Variants in UTRN observed in about 807,000 individuals in gnomAD.
The protein encoded by UTRN is dystrophin-related protein 1.
In UTRN, 283 loss-of-function variants were observed where a neutral mutation model predicts 463.9. That is an observed-to-expected ratio of 0.61 (90% CI 0.55 to 0.67). The LOEUF (loss-of-function observed/expected upper bound fraction) is 0.67, where lower values mean the gene tolerates loss of function less well. UTRN is among the 30% of genes least tolerant of loss of function. UTRN has a pLI of 0.00. For synonymous variants in UTRN, 1,442 were observed against 1,431.5 expected (o/e 1.01, Z -0.17); for missense variants, 3,922 against 4,084.3 (o/e 0.96, Z 1.08).
Position 144,458,990 on chromosome 6 carries a change from A to C in UTRN, c.2505A>C (p.Pro835=). 1 of 1,605,690 alleles carries C rather than the reference A, an allele frequency of 6.2e-7. No individual in the cohort carries two copies. Among genetic ancestry groups the C allele is most frequent in the Non-Finnish European group, 8.5e-7 (1 of 1,176,940 alleles). The part of the protein sequence containing the change: ...SISESSRQSL[P]SLKDSCQREL... ...CTGAATCTTCCCGGCAGTCCTTGCC[A>C]AGCTTGAAGGATTCCTGTCAGGTAA... is the stretch of plus-strand genomic sequence containing the variant. Residue 835 remains proline (P), a synonymous_variant, in exon 20 of 75, where the codon CCA becomes CCC. Coordinates refer to ENST00000367545, the MANE Select transcript of UTRN (RefSeq NM_007124.3).
At chr6:144,838,861 G>A (rs1781320272) in intron 71 of UTRN, among the ~76,000 whole-genome samples, 1 of 152,292 alleles carries the variant, frequency 6.6e-6, no homozygotes, top group Admixed American at 6.5e-5. Flanking sequence ...CAGTGCTGAT[G>A]TTTAAAATAT....
chr6:144,732,228 A>ATG (rs1483300520), intron 54 of UTRN, among the ~76,000 whole-genome samples: 2 of 45,108 alleles, frequency 4.4e-5, no homozygotes, highest in African/African-American at 2.0e-4. Context: ...ATATATATAT[A>ATG]TATATATATA....
intron 2 of UTRN, among the ~76,000 whole-genome samples, chr6:144,304,325 G>A (rs1463038051): frequency 6.6e-6 from 1 of 152,130 alleles, no homozygotes; most frequent in African/African-American, 2.4e-5. Flanking sequence ...TGGCCGGTAA[G>A]AGACTTTTGC....
intron 53 of UTRN, among the ~76,000 whole-genome samples, chr6:144,705,434 A>T (rs1784991567): frequency 6.6e-6 from 1 of 152,154 alleles, no homozygotes; most frequent in Admixed American, 6.5e-5. Context: ...ACAGTTCTGA[A>T]GGCGGAGAAG....
chr6:144,440,749 T>C (rs1787070620), intron 13 of UTRN, among the ~76,000 whole-genome samples: 1 of 152,142 alleles, frequency 6.6e-6, no homozygotes, highest in African/African-American at 2.4e-5. Flanking sequence ...CACAGTGTAT[T>C]AGTCCGTTTT....
chr6:144,734,171 A>T (rs1789094990), intron 54 of UTRN, among the ~76,000 whole-genome samples: 1 of 152,154 alleles, frequency 6.6e-6, no homozygotes, highest in Non-Finnish European at 1.5e-5. Context: ...ATGAGCCCAG[A>T]TGTCTCATGT....
At chr6:144,521,278 T>C in intron 39 of UTRN, among the ~76,000 whole-genome samples, 1 of 151,646 alleles carries the variant, frequency 6.6e-6, no homozygotes, top group Non-Finnish European at 1.5e-5. Context: ...AGAGCAACAC[T>C]CTGTCCTGCA....
At chr6:144,838,239 A>G (rs1168287063) in intron 71 of UTRN, among the ~76,000 whole-genome samples, 2 of 152,206 alleles carry the variant, frequency 1.3e-5, no homozygotes, top group African/African-American at 4.8e-5. Flanking sequence ...GTGCTGCCTG[A>G]TGGCTCATGT....
At chr6:144,750,820 C>T (rs1791314765) in intron 55 of UTRN, among the ~76,000 whole-genome samples, 1 of 152,058 alleles carries the variant, frequency 6.6e-6, no homozygotes, top group Non-Finnish European at 1.5e-5. Context: ...AGGGTCTATT[C>T]CCAAGCAGCT....
At chr6:144,464,218 C>T (rs1163730615) in intron 23 of UTRN, among the ~76,000 whole-genome samples, 1 of 152,098 alleles carries the variant, frequency 6.6e-6, no homozygotes, top group Non-Finnish European at 1.5e-5. Context: ...GCTGGAAGAC[C>T]TCACAGATTA....
At chr6:144,330,977 G>C (rs1776292736) in intron 2 of UTRN, 1 of 985,264 alleles carries the variant, frequency 1.0e-6, no homozygotes, top group East Asian at 1.1e-4. Flanking sequence ...ATGGAAGTGA[G>C]ATCTGAATCC....
At chr6:144,709,045 T>G (rs959231886) in intron 53 of UTRN, among the ~76,000 whole-genome samples, 8 of 152,178 alleles carry the variant, frequency 5.3e-5, no homozygotes, top group Admixed American at 2.6e-4. Context: ...GGTCAAACCC[T>G]CATGACCTAA....
intron 34 of UTRN, among the ~76,000 whole-genome samples, chr6:144,507,051 G>A (rs1006637142): frequency 4.0e-5 from 6 of 151,642 alleles, no homozygotes; most frequent in Admixed American, 6.6e-5. Context: ...CCGCTTGATC[G>A]ATTCAGCTAT....
At chr6:144,331,078 G>C in intron 2 of UTRN, 1 of 944,504 alleles carries the variant, frequency 1.1e-6, no homozygotes, top group Non-Finnish European at 1.3e-6. Context: ...TTGAAAGGAA[G>C]CCGAGGCATG....
At chr6:144,543,080 G>T (rs760285296) in intron 46 of UTRN, among the ~76,000 whole-genome samples, 6 of 152,174 alleles carry the variant, frequency 3.9e-5, no homozygotes, top group Non-Finnish European at 8.8e-5. Flanking sequence ...TCTCGCGGCA[G>T]ATAAGGCTGG....
At chr6:144,497,639 C>T (rs1320937383) in intron 33 of UTRN, among the ~76,000 whole-genome samples, 1 of 151,466 alleles carries the variant, frequency 6.6e-6, no homozygotes, top group East Asian at 1.9e-4. Flanking sequence ...CAAGATTGTG[C>T]CACTGCACTC....
intron 69 of UTRN, among the ~76,000 whole-genome samples, chr6:144,829,562 A>T (rs1408768921): frequency 1.3e-5 from 2 of 151,882 alleles, no homozygotes; most frequent in East Asian, 3.9e-4. Flanking sequence ...TGTGCCCTGG[A>T]ATTCACATTT....
chr6:144,743,626 C>T (rs184311642), intron 54 of UTRN, among the ~76,000 whole-genome samples: 119 of 152,308 alleles, frequency 7.8e-4, no homozygotes, highest in Middle Eastern at 3.4e-3. Context: ...GGGAGCAGGA[C>T]TGATTCCAAA....
chr6:144,451,736 A>G (rs1452466390), intron 18 of UTRN, among the ~76,000 whole-genome samples: 2 of 151,758 alleles, frequency 1.3e-5, no homozygotes, highest in Non-Finnish European at 2.9e-5. Context: ...AGTGAGGAAT[A>G]CTTCTTATGG....
Sources: gnomAD v4.1 joint callset for allele counts (sites outside exome capture counted in the v4.1 genomes callset) on GRCh38, gnomAD v4.1.1 for gene constraint, MANE v1.5 for transcripts, NCBI Gene and HGNC (gene_info 2026-07-23, HGNC 2026-07-21) for gene names.